Variants in THAP2 observed in about 807,000 individuals in gnomAD.
The protein encoded by THAP2 is THAP domain-containing protein 2.
THAP2 carries 16 observed loss-of-function variants against 18.8 expected under a neutral mutation model. The observed-to-expected ratio is 0.85, with a 90% CI of 0.58 to 1.29. The LOEUF is 1.29. Among genes scored for constraint, THAP2 ranks in the 50% most tolerant of loss-of-function variants. The probability of loss-of-function intolerance (pLI) is 0.00; values close to 1 mark genes in which losing one functional copy is unlikely to be tolerated. For synonymous variants in THAP2, 80 were observed against 89.2 expected (o/e 0.90, Z 0.58); for missense variants, 251 against 265.3 (o/e 0.95, Z 0.38).
chr12:71,664,394 C>A lies in THAP2; in HGVS notation c.-116C>A. ...CCTTCTTCCCACTCCGCTCTCACGACTAAGCTCTCACGATTAAGGCACGCC... is the reference window on the plus strand; with the variant it reads ...CCTTCTTCCCACTCCGCTCTCACGAATAAGCTCTCACGATTAAGGCACGCC... On this transcript the variant is annotated 5_prime_UTR_variant, in exon 1 of 3. Coordinates refer to ENST00000308086, the MANE Select transcript of THAP2 (RefSeq NM_031435.4). 7.7e-7 allele frequency: 1 copy of A among 1,292,050 alleles called. No homozygotes were observed. The highest frequency in any genetic ancestry group is 1.1e-6 in the Non-Finnish European group (1 of 893,534). 80.0% of individuals were successfully genotyped at this position (1,292,050 alleles called of 1,614,324 possible).
At chr12:71,667,821 A>G (rs778464632) in intron 1 of THAP2, 1 of 152,212 alleles carries the variant, frequency 6.6e-6, no homozygotes, top group South Asian at 2.1e-4. Flanking sequence ...ATATGACATC[A>G]CTGATTATGG....
chr12:71,665,444 G>C (rs1320608143), intron 1 of THAP2: 3 of 155,132 alleles, frequency 1.9e-5, no homozygotes, highest in Non-Finnish European at 2.9e-5. Context: ...AAAAAATCTT[G>C]TGATGTTTCT....
At position 71,677,123 on chromosome 12, in the gene THAP2, G is replaced by C. The variant is rs749900034; in HGVS notation, c.*15G>C. On this transcript the variant is annotated 3_prime_UTR_variant, in exon 3 of 3. Transcript: ENST00000308086. ...CCTTCATTTAAATTTAGCTTGCACA[G>C]AGCTTGATGCCTATCCTTCATTCTT... The C allele has an allele frequency of 8.4e-6, 13 of 1,550,018 alleles. No individual in the cohort carries two copies. Among genetic ancestry groups the C allele is most frequent in the Middle Eastern group, 3.6e-4 (2 of 5,534 alleles).
intron 1 of THAP2, among the ~76,000 whole-genome samples, chr12:71,670,124 C>G (rs1250142362): frequency 1.3e-5 from 2 of 152,046 alleles, no homozygotes; most frequent in African/African-American, 4.8e-5. Context: ...ACATTCACTT[C>G]TTTGTGCCCC....
At position 71,677,199 on chromosome 12, in the gene THAP2, A is replaced by G; in HGVS notation, c.*91A>G. 1 of 1,213,814 alleles carries G rather than the reference A, an allele frequency of 8.2e-7. No individual in the cohort carries two copies. Among genetic ancestry groups the G allele is most frequent in the Non-Finnish European group, 1.1e-6 (1 of 921,402 alleles). The allele number at this position is 1,213,814 out of a possible 1,614,324, so 75.2% of individuals were successfully genotyped here. A position where few individuals can be genotyped will look rare whatever the true frequency, so the allele number is the denominator to read the frequency against. On this transcript the variant is annotated 3_prime_UTR_variant, in exon 3 of 3. Transcript: ENST00000308086. ...CTTATGCCAAAATTCATTATTTAAT[A>G]AAGTTTTACTTGAAGTAACATTACT...
At chr12:71,664,626 T>C in intron 1 of THAP2, 46 bp downstream of exon 1, 3 of 1,604,546 alleles carry the variant, frequency 1.9e-6, no homozygotes, top group Non-Finnish European at 2.6e-6. Flanking sequence ...GAGTTCCTAT[T>C]GTGGCTATCG....
In THAP2 at chr12:71,674,191, T is replaced by C. The variant is rs1381724731; in HGVS notation, c.72-12T>C. ...ATAGTTGGAATTTGAGTTGCATTTT[T>C]TTTTTTTTAAGGTTTCCTTTGGATC... On this transcript the variant is annotated splice_polypyrimidine_tract_variant and intron_variant, in intron 1 of 2. Transcript: ENST00000308086. 1.3e-6 allele frequency: 2 copies of C among 1,555,854 alleles called. No individual in the cohort carries two copies. Among genetic ancestry groups the C allele is most frequent in the African/African-American group, 2.8e-5 (2 of 71,806 alleles).
rs116397798 is a variant in THAP2 at position 71,677,178 on chromosome 12, T to G, written c.*70T>G. Reference sequence around the variant, plus strand: ...GAAGTAAAGATAATTATGGCACTTATGCCAAAATTCATTATTTAATAAAGT... The same window carrying G: ...GAAGTAAAGATAATTATGGCACTTAGGCCAAAATTCATTATTTAATAAAGT... On this transcript the variant is annotated 3_prime_UTR_variant, in exon 3 of 3. Coordinates refer to ENST00000308086, the MANE Select transcript of THAP2 (RefSeq NM_031435.4). 9.8e-4 allele frequency: 1,301 copies of G among 1,329,040 alleles called. 4 individuals carry two copies. The African/African-American group carries it at 0.017, about 17-fold the overall frequency. The allele number at this position is 1,329,040 out of a possible 1,614,324, so 82.3% of individuals were successfully genotyped here. A position where few individuals can be genotyped will look rare whatever the true frequency, so the allele number is the denominator to read the frequency against.
At chr12:71,676,274 ATATTTATCAAAT>A (rs1235300515) in intron 2 of THAP2, among the ~76,000 whole-genome samples, 1 of 152,104 alleles carries the variant, frequency 6.6e-6, no homozygotes, top group Non-Finnish European at 1.5e-5. Flanking sequence ...TGGGTCTAAA[ATATTTATCAAAT>A]TGAGAAAAGG....
chr12:71,674,432 T>C (rs1388335122), intron 2 of THAP2, 34 bp downstream of exon 2: 8 of 1,527,746 alleles, frequency 5.2e-6, no homozygotes, highest in Middle Eastern at 1.8e-4. Flanking sequence ...GTTAAAACCA[T>C]TTTTAGAACT....
At chr12:71,667,689 C>T (rs1415365630) in intron 1 of THAP2, 3 of 152,140 alleles carry the variant, frequency 2.0e-5, no homozygotes, top group South Asian at 2.1e-4. Context: ...CTTCTGTAAT[C>T]AATAGTATGT....
chr12:71,665,117 G>C (rs1425044016), intron 1 of THAP2: 1 of 589,062 alleles, frequency 1.7e-6, no homozygotes, highest in Non-Finnish European at 3.0e-6. Flanking sequence ...TACTAGAATA[G>C]AGTAATAAAA....
In THAP2 at chr12:71,674,334, C is replaced by G; in HGVS notation, c.203C>G (p.Thr68Ser). 2.5e-6 allele frequency: 4 copies of G among 1,613,276 alleles called. No homozygotes were observed. Among genetic ancestry groups the G allele is most frequent in the Non-Finnish European group, 3.4e-6 (4 of 1,179,426 alleles). ...TCCTGTTTTGACCTAACAGGACAAA[C>G]TCGACGACTTAAAATGGATGCTGTT... ...EASCFDLTGQ[T>S]RRLKMDAVPT... Residue 68 changes from threonine to serine, a missense_variant, in exon 2 of 3, where the codon ACT (threonine) becomes AGT (serine). By Grantham distance (58) the Thr-to-Ser change is moderately conservative (BLOSUM62 1). Coordinates refer to ENST00000308086, the MANE Select transcript of THAP2 (RefSeq NM_031435.4).
chr12:71,669,385 GT>G (rs1178678869), intron 1 of THAP2, among the ~76,000 whole-genome samples: 4 of 152,156 alleles, frequency 2.6e-5, no homozygotes, highest in African/African-American at 9.7e-5. Context: ...TAAGGAGCTA[GT>G]TTTAAAAAGA....
At chr12:71,670,663 G>A (rs1294678062) in intron 1 of THAP2, among the ~76,000 whole-genome samples, 1 of 152,108 alleles carries the variant, frequency 6.6e-6, no homozygotes, top group Non-Finnish European at 1.5e-5. Context: ...ATCCTGCCGG[G>A]CATGGTGGCT....
intron 2 of THAP2, 22 bp from the exon 3 acceptor site, chr12:71,676,667 C>A (rs1047298736): frequency 1.9e-6 from 3 of 1,553,186 alleles, no homozygotes; most frequent in Non-Finnish European, 2.6e-6. Context: ...TATGTTCAAC[C>A]CTCTAATTTT....
At position 71,677,992 on chromosome 12, in the gene THAP2, T is replaced by G. The variant is rs1041408189; in HGVS notation, c.*884T>G. ...TGCATACTATACCTCAGAAATAGTG[T>G]ATCAATATAGTGGGCTTTTTTTTTC... On this transcript the variant is annotated 3_prime_UTR_variant, in exon 3 of 3. Transcript: ENST00000308086. 6.6e-6 allele frequency: 1 copy of G among 152,240 alleles called. No individual in the cohort carries two copies. The highest frequency in any genetic ancestry group is 1.5e-5 in the Non-Finnish European group (1 of 68,036). The allele number at this position is 152,240 out of a possible 1,614,324, so 9.4% of individuals were successfully genotyped here.
Position 71,680,492 on chromosome 12 carries a change from G to C in THAP2, c.*3384G>C, listed in dbSNP as rs1216403351. 1 of 152,478 alleles carries C rather than the reference G, an allele frequency of 6.6e-6. No homozygotes were observed. Among genetic ancestry groups the C allele is most frequent in the Non-Finnish European group, 1.5e-5 (1 of 67,980 alleles). 9.4% of individuals were successfully genotyped at this position (152,478 alleles called of 1,614,324 possible). A position where few individuals can be genotyped will look rare whatever the true frequency, so the allele number is the denominator to read the frequency against. On this transcript the variant is annotated 3_prime_UTR_variant, in exon 3 of 3. Transcript: ENST00000308086. Reference sequence around the variant, plus strand: ...TAATTTTGCTATAATATAGGAAATGGTTCATCTTTGTACCAAAATATTGCA... The same window carrying C: ...TAATTTTGCTATAATATAGGAAATGCTTCATCTTTGTACCAAAATATTGCA...
At chr12:71,674,157 A>G in intron 1 of THAP2, 46 bp from the exon 2 acceptor site, 1 of 1,508,810 alleles carries the variant, frequency 6.6e-7, no homozygotes, top group Non-Finnish European at 8.9e-7. Flanking sequence ...AGGTGCAGCC[A>G]GAATTATGAT....
Sources: allele counts gnomAD v4.1 joint callset (sites outside exome capture counted in the v4.1 genomes callset), GRCh38; gene constraint gnomAD v4.1.1; transcripts MANE v1.5; gene names NCBI Gene and HGNC (gene_info 2026-07-23, HGNC 2026-07-21).